The following HERC3 variants were observed in gnomAD, a reference collection of about 807,000 sequenced individuals.
HERC3 encodes the protein probable E3 ubiquitin-protein ligase HERC3.
Under a neutral mutation model 129.9 loss-of-function variants are expected in HERC3, and 58 were observed. That is an observed-to-expected ratio of 0.45 (90% CI 0.36 to 0.56). The LOEUF (loss-of-function observed/expected upper bound fraction) is 0.56. HERC3 is among the 20% of genes least tolerant of loss of function. HERC3 has a pLI of 0.00. For missense variants in HERC3, 835 were observed against 1,244.2 expected, an observed-to-expected ratio of 0.67 and a Z score of 4.95; for synonymous variants, 430 against 451.0, an observed-to-expected ratio of 0.95 and a Z score of 0.59.
intron 3 of HERC3, among the ~76,000 whole-genome samples, chr4:88,622,341 T>C (rs1725617832): frequency 6.6e-6 from 1 of 152,262 alleles, no homozygotes. Context: ...CCAAATAATA[T>C]CCCATTGTAT....
At chr4:88,554,892 T>G in the HERC3 span, among the ~76,000 whole-genome samples, 1 of 152,186 alleles carries the variant, frequency 6.6e-6, no homozygotes, top group African/African-American at 2.4e-5. Flanking sequence ...AGTGTTAATT[T>G]CCAGGCTTAC....
intron 23 of HERC3, among the ~76,000 whole-genome samples, chr4:88,702,527 A>G (rs939025335): frequency 2.0e-5 from 3 of 152,172 alleles, no homozygotes; most frequent in Non-Finnish European, 4.4e-5. Flanking sequence ...TGTTCTTGAG[A>G]TTCTATTCAT....
chr4:88,588,809 T>A (rs571181537), upstream of HERC3, among the ~76,000 whole-genome samples: 1 of 152,390 alleles, frequency 6.6e-6, no homozygotes, highest in South Asian at 2.1e-4. Context: ...TGGTAACTAA[T>A]GGAGGAAATC....
At chr4:88,591,215 T>A (rs1050354703), upstream of HERC3, among the ~76,000 whole-genome samples, 2 of 152,180 alleles carry the variant, frequency 1.3e-5, no homozygotes, top group Admixed American at 6.6e-5. Context: ...TCTAAACGTG[T>A]CAAGTGTGAT....
Position 88,674,197 on chromosome 4 carries a change from G to A in HERC3, c.1912-2021G>A, listed in dbSNP as rs112727805. Among the ~76,000 whole-genome samples the A allele has an allele frequency of 9.9e-3, 1,508 of 152,162 alleles. 23 individuals carry two copies. The highest frequency in any genetic ancestry group is 0.034 in the African/African-American group (1,406 of 41,500). On this transcript the variant is annotated intron_variant, in intron 16 of 25. Transcript: ENST00000402738. ...AGGGACTACAAGCTGCCGAAGCTGGGTATTTAAGGGGTGCAGGGAGGCTCA... is the reference window on the plus strand; with the variant it reads ...AGGGACTACAAGCTGCCGAAGCTGGATATTTAAGGGGTGCAGGGAGGCTCA...
At chr4:88,544,134 A>G in the HERC3 span, among the ~76,000 whole-genome samples, 38 of 152,230 alleles carry the variant, frequency 2.5e-4, no homozygotes, top group Admixed American at 1.6e-3. Context: ...TGAACAGGCA[A>G]CCTACAGAAT....
rs1212088966 is a variant in HERC3, at chr4:88,670,876, T to A, written c.1911+624T>A. On this transcript the variant is annotated intron_variant, in intron 16 of 25. Transcript: ENST00000402738. ...GATGAGGCTTATGTATATGCCACAATTCCCACTGCAGCGTAATTTATCCCT... is the reference window on the plus strand; with the variant it reads ...GATGAGGCTTATGTATATGCCACAAATCCCACTGCAGCGTAATTTATCCCT... 2.6e-5 allele frequency among the ~76,000 whole-genome samples: 4 copies of A among 152,232 alleles called. No individual in the cohort carries two copies. In the South Asian group the frequency reaches 8.3e-4, roughly 32 times the overall value.
chr4:88,651,459 C>T (rs1729266082), intron 4 of HERC3, among the ~76,000 whole-genome samples: 1 of 152,176 alleles, frequency 6.6e-6, no homozygotes, highest in Non-Finnish European at 1.5e-5. Flanking sequence ...GTTAACTTTT[C>T]TAAGCCTCAG....
intron 21 of HERC3, among the ~76,000 whole-genome samples, chr4:88,681,526 T>C (rs967401893): frequency 9.2e-5 from 14 of 152,118 alleles, no homozygotes; most frequent in African/African-American, 3.4e-4. Flanking sequence ...AGTATCGGTA[T>C]CCGAGGGGTA....
upstream of HERC3, among the ~76,000 whole-genome samples, chr4:88,591,051 G>C (rs1457942826): frequency 1.3e-5 from 2 of 151,776 alleles, no homozygotes; most frequent in Admixed American, 1.3e-4. Context: ...CACCCTACTC[G>C]GCTAATTTTG....
chr4:88,631,437 A>G (rs1387933723), intron 3 of HERC3, among the ~76,000 whole-genome samples: 3 of 152,228 alleles, frequency 2.0e-5, no homozygotes, highest in Admixed American at 2.0e-4. Flanking sequence ...GGCCTGGGTG[A>G]CAAAGTGAGA....
chr4:88,693,517 C>T (rs1238132183), intron 23 of HERC3: 1 of 971,770 alleles, frequency 1.0e-6, no homozygotes, highest in Non-Finnish European at 1.2e-6. Context: ...CTGCTGTTTA[C>T]CTCTAAAATA....
the HERC3 span, among the ~76,000 whole-genome samples, chr4:88,584,793 T>C: frequency 6.6e-6 from 1 of 152,172 alleles, no homozygotes; most frequent in Non-Finnish European, 1.5e-5. Context: ...TCATTATAAA[T>C]TACCCCATCT....
chr4:88,548,472 T>A, the HERC3 span, among the ~76,000 whole-genome samples: 1 of 152,166 alleles, frequency 6.6e-6, no homozygotes, highest in Non-Finnish European at 1.5e-5. Context: ...CTTTTTTTCA[T>A]CTGTTTATTG....
the HERC3 span, chr4:88,527,497 G>C: frequency 1.1e-5 from 2 of 175,372 alleles, no homozygotes; most frequent in African/African-American, 4.8e-5. Flanking sequence ...CTGGGCTCAA[G>C]TGATCCTCCC....
intron 3 of HERC3, among the ~76,000 whole-genome samples, chr4:88,642,633 C>G (rs1325679609): frequency 6.6e-6 from 1 of 152,210 alleles, no homozygotes; most frequent in African/African-American, 2.4e-5. Flanking sequence ...CTTGTTAGCT[C>G]TATCTTCATA....
intron 1 of HERC3, among the ~76,000 whole-genome samples, chr4:88,594,546 G>A (rs1388158084): frequency 2.0e-5 from 3 of 152,130 alleles, no homozygotes; most frequent in Non-Finnish European, 4.4e-5. Context: ...TGGGACCACA[G>A]GCGTGCACCA....
intron 14 of HERC3, among the ~76,000 whole-genome samples, chr4:88,669,224 C>A (rs1731358945): frequency 6.6e-6 from 1 of 152,112 alleles, no homozygotes; most frequent in South Asian, 2.1e-4. Flanking sequence ...CCCTCACCAC[C>A]TTTTTATTTT....
At chr4:88,608,105 C>T (rs1426809818) in intron 3 of HERC3, among the ~76,000 whole-genome samples, 6 of 152,182 alleles carry the variant, frequency 3.9e-5, no homozygotes, top group African/African-American at 4.8e-5. Flanking sequence ...TCTTCTCTCA[C>T]GTTTATTATT....
Sources: gnomAD v4.1 joint callset for allele counts (sites outside exome capture counted in the v4.1 genomes callset) on GRCh38, gnomAD v4.1.1 for gene constraint, MANE v1.5 for transcripts, NCBI Gene and HGNC (gene_info 2026-07-23, HGNC 2026-07-21) for gene names.